Variants in RABEP1 observed in about 807,000 individuals in gnomAD.
The protein encoded by RABEP1 is rab GTPase-binding effector protein 1.
A neutral mutation model predicts 123.4 loss-of-function variants in RABEP1; 51 were observed. That is an observed-to-expected ratio of 0.41 (90% CI 0.33 to 0.52). The LOEUF (loss-of-function observed/expected upper bound fraction) is 0.52. RABEP1 is among the 20% of genes least tolerant of loss of function. The pLI is 0.16. For synonymous variants in RABEP1, 347 were observed against 355.2 expected (o/e 0.98, Z 0.26); for missense variants, 888 against 996.3 (o/e 0.89, Z 1.46).
chr17:5,312,060 T>G (rs1355809739), intron 2 of RABEP1, among the ~76,000 whole-genome samples: 4 of 152,254 alleles, frequency 2.6e-5, no homozygotes, highest in Non-Finnish European at 5.9e-5. Context: ...TCTTCAATTT[T>G]GTTGAAAGAG....
At chr17:5,351,835 T>A (rs1908580759) in intron 7 of RABEP1, among the ~76,000 whole-genome samples, 1 of 152,118 alleles carries the variant, frequency 6.6e-6, no homozygotes, top group Non-Finnish European at 1.5e-5. Context: ...ATAAGCATTA[T>A]CCTGGATGTA....
intron 11 of RABEP1, among the ~76,000 whole-genome samples, chr17:5,367,420 C>T (rs78415790): frequency 0.03 from 4,573 of 150,658 alleles, 96 homozygotes; most frequent in Non-Finnish European, 0.046. Flanking sequence ...TACAGGCACC[C>T]GCCACCACGC....
At chr17:5,321,784 G>C (rs1043225493) in intron 2 of RABEP1, among the ~76,000 whole-genome samples, 3 of 152,220 alleles carry the variant, frequency 2.0e-5, no homozygotes, top group African/African-American at 7.2e-5. Context: ...AGAACAGCTA[G>C]GTGCAGTGGC....
At chr17:5,365,941 T>G (rs1477160270) in intron 11 of RABEP1, among the ~76,000 whole-genome samples, 1 of 152,242 alleles carries the variant, frequency 6.6e-6, no homozygotes, top group South Asian at 2.1e-4. Context: ...TTCAGTTGTT[T>G]CCAGTTCTGG....
At chr17:5,331,395 T>G (rs1004866955) in intron 2 of RABEP1, among the ~76,000 whole-genome samples, 2 of 152,184 alleles carry the variant, frequency 1.3e-5, no homozygotes, top group Non-Finnish European at 2.9e-5. Flanking sequence ...TGAAGTTAGT[T>G]TGGCCAAACA....
At chr17:5,320,157 G>A (rs2075339013) in intron 2 of RABEP1, among the ~76,000 whole-genome samples, 1 of 151,722 alleles carries the variant, frequency 6.6e-6, no homozygotes, top group Non-Finnish European at 1.5e-5. Flanking sequence ...AACCCTAATG[G>A]AGCTTCAGTC....
At chr17:5,362,778 T>C (rs1222489938) in intron 9 of RABEP1, 134 bp from the exon 10 acceptor site, 1 of 623,952 alleles carries the variant, frequency 1.6e-6, no homozygotes, top group Non-Finnish European at 2.9e-6. Flanking sequence ...ATTGTAACTT[T>C]TTGCCGTAAG....
rs1567560406 is a variant in RABEP1 at position 5,384,559 on chromosome 17, T to TA, written c.*1339dup. 1 of 216,460 alleles carries TA rather than the reference T, an allele frequency of 4.6e-6. No individual in the cohort carries two copies. The allele number at this position is 216,460 out of a possible 1,614,324, so 13.4% of individuals were successfully genotyped here. A position where few individuals can be genotyped will look rare whatever the true frequency, so the allele number is the denominator to read the frequency against. On this transcript the variant is annotated 3_prime_UTR_variant, in exon 18 of 18. Coordinates refer to ENST00000537505, the MANE Select transcript of RABEP1 (RefSeq NM_004703.6). ...TGTTCACATAACGCCACCATCAACT[T>TA]AAAGTGAATTGTCTTTGTTATAAAT...
At chr17:5,320,989 C>T (rs542567339) in intron 2 of RABEP1, among the ~76,000 whole-genome samples, 2 of 152,298 alleles carry the variant, frequency 1.3e-5, no homozygotes, top group East Asian at 3.9e-4. Context: ...GTTAAAGAAA[C>T]AAGCCCCAAC....
chr17:5,346,002 T>TA (rs1908032582), intron 5 of RABEP1, among the ~76,000 whole-genome samples: 1 of 152,202 alleles, frequency 6.6e-6, no homozygotes. Flanking sequence ...ACTATATTGT[T>TA]ACTATTTTGA....
intron 1 of RABEP1, among the ~76,000 whole-genome samples, chr17:5,282,843 G>C (rs937560989): frequency 6.6e-6 from 1 of 151,850 alleles, no homozygotes; most frequent in African/African-American, 2.4e-5. Flanking sequence ...CGTGGGTTCT[G>C]CCCGTGGGGG....
intron 1 of RABEP1, among the ~76,000 whole-genome samples, chr17:5,301,388 A>G (rs530083984): frequency 2.0e-5 from 3 of 152,282 alleles, no homozygotes; most frequent in Admixed American, 1.3e-4. Context: ...GGGAAGCTGA[A>G]ACTCATAAAA....
chr17:5,329,491 A>G (rs938933748), intron 2 of RABEP1, among the ~76,000 whole-genome samples: 1 of 152,252 alleles, frequency 6.6e-6, no homozygotes, highest in Non-Finnish European at 1.5e-5. Context: ...AGATCGTGCC[A>G]CTGCACTCTA....
chr17:5,323,174 C>A (rs948759275), intron 2 of RABEP1, among the ~76,000 whole-genome samples: 2 of 152,052 alleles, frequency 1.3e-5, no homozygotes, highest in Non-Finnish European at 2.9e-5. Flanking sequence ...TGATACAAAC[C>A]CTCATCAAAT....
chr17:5,361,265 C>T lies in RABEP1; in HGVS notation c.1153C>T (p.Pro385Ser), dbSNP rs1413945254. The change falls in exon 9 of 18, where the codon CCA becomes TCA. Residue 385 changes from proline to serine, a missense_variant. Physicochemically the swap from Pro to Ser is moderately conservative, Grantham distance 74. Coordinates refer to ENST00000537505, the MANE Select transcript of RABEP1 (RefSeq NM_004703.6). ...VHSLDAGLLL[P>S]SGDPFSKSDN... ...TTCCTTAGATGCAGGCTTGCTGTTG[C>T]CATCTGGAGATCCTTTCAGTAAATC... The T allele has an allele frequency of 1.2e-6, 2 of 1,614,168 alleles. No individual in the cohort carries two copies. Among genetic ancestry groups the T allele is most frequent in the Non-Finnish European group, 8.5e-7 (1 of 1,180,040 alleles).
At chr17:5,369,941 C>G (rs1169039176) in intron 12 of RABEP1, among the ~76,000 whole-genome samples, 1 of 152,266 alleles carries the variant, frequency 6.6e-6, no homozygotes, top group South Asian at 2.1e-4. Context: ...TCAGGTGATC[C>G]ACCCGCGTTG....
intron 1 of RABEP1, among the ~76,000 whole-genome samples, chr17:5,291,379 T>TGTG (rs1457786413): frequency 6.6e-6 from 1 of 152,114 alleles, no homozygotes; most frequent in Non-Finnish European, 1.5e-5. Flanking sequence ...GCCATTGCAC[T>TGTG]CCAGCCCGGG....
In RABEP1 at chr17:5,302,290, G is replaced by A. The variant is rs968704603; in HGVS notation, c.35-6404G>A. 2.3e-5 allele frequency among the ~76,000 whole-genome samples: 3 copies of A among 128,234 alleles called. No individual in the cohort carries two copies. In the Admixed American group the frequency reaches 2.5e-4, roughly 11 times the overall value. 84.1% of individuals were successfully genotyped at this position (128,234 alleles called of 152,430 possible). ...GAGTCTTGCTCTGTTGCCCAGGCTGGAGGGCAGTTGTGCGATCTCAGCTCA... is the reference window on the plus strand; with the variant it reads ...GAGTCTTGCTCTGTTGCCCAGGCTGAAGGGCAGTTGTGCGATCTCAGCTCA... On this transcript the variant is annotated intron_variant, in intron 1 of 17. Coordinates refer to ENST00000537505, the MANE Select transcript of RABEP1 (RefSeq NM_004703.6).
chr17:5,342,970 C>A (rs1320563910), intron 5 of RABEP1, among the ~76,000 whole-genome samples: 1 of 152,084 alleles, frequency 6.6e-6, no homozygotes, highest in East Asian at 1.9e-4. Context: ...TTAAAAAATA[C>A]CCTTTTTGGC....
Sources: gnomAD v4.1 joint callset for allele counts (sites outside exome capture counted in the v4.1 genomes callset) on GRCh38, gnomAD v4.1.1 for gene constraint, MANE v1.5 for transcripts, NCBI Gene and HGNC (gene_info 2026-07-23, HGNC 2026-07-21) for gene names.